The following GRM8 variants were observed in gnomAD, a reference collection of about 807,000 sequenced individuals.
GRM8 encodes glutamate metabotropic receptor 8, also known as metabotropic glutamate receptor 8.
A neutral mutation model predicts 87.2 loss-of-function variants in GRM8; 47 were observed. The observed-to-expected ratio is 0.54, with a 90% CI of 0.43 to 0.69. The LOEUF (loss-of-function observed/expected upper bound fraction) is 0.69. Among genes scored for constraint, GRM8 ranks in the 30% least tolerant of loss-of-function variants. The probability of loss-of-function intolerance (pLI) is 0.00; values close to 1 mark genes in which losing one functional copy is unlikely to be tolerated. For missense variants in GRM8, 1,019 were observed against 1,139.2 expected (o/e 0.89, Z 1.52); for synonymous variants, 396 against 404.5 (o/e 0.98, Z 0.25).
At chr7:126,508,272 C>T (rs1366840749) in intron 9 of GRM8, among the ~76,000 whole-genome samples, 3 of 148,926 alleles carry the variant, frequency 2.0e-5, no homozygotes, top group Non-Finnish European at 4.5e-5. Context: ...CACACACACG[C>T]AAACACACAT....
At chr7:127,015,988 C>A (rs774744492) in intron 3 of GRM8, among the ~76,000 whole-genome samples, 2 of 152,006 alleles carry the variant, frequency 1.3e-5, no homozygotes, top group Admixed American at 6.6e-5. Flanking sequence ...TTAAAAATTC[C>A]TTGAATATCT....
intron 7 of GRM8, among the ~76,000 whole-genome samples, chr7:126,704,528 C>T (rs984465983): frequency 1.3e-5 from 2 of 152,138 alleles, no homozygotes; most frequent in South Asian, 2.1e-4. Context: ...ACCAGTGAGC[C>T]GGGCGGAACA....
intron 6 of GRM8, among the ~76,000 whole-genome samples, chr7:126,786,627 T>C (rs1296843715): frequency 6.6e-6 from 1 of 152,210 alleles, no homozygotes; most frequent in Non-Finnish European, 1.5e-5. Context: ...ATTTATGTCC[T>C]ACCTGTACAG....
intron 3 of GRM8, among the ~76,000 whole-genome samples, chr7:127,102,174 T>C (rs1202335438): frequency 2.0e-5 from 3 of 152,180 alleles, no homozygotes; most frequent in Non-Finnish European, 4.4e-5. Flanking sequence ...ATAACCTATA[T>C]CAGATGTGGG....
At chr7:126,930,197 C>G (rs1420702825) in intron 3 of GRM8, among the ~76,000 whole-genome samples, 1 of 152,102 alleles carries the variant, frequency 6.6e-6, no homozygotes, top group African/African-American at 2.4e-5. Flanking sequence ...TGCTCAAAAC[C>G]CAGTTCCTAT....
chr7:126,605,979 C>T (rs562553764), intron 8 of GRM8, among the ~76,000 whole-genome samples: 1 of 152,318 alleles, frequency 6.6e-6, no homozygotes, highest in South Asian at 2.1e-4. Context: ...TCACTATAGT[C>T]TCAACACCTT....
At chr7:127,173,724 A>G (rs998937214) in intron 2 of GRM8, among the ~76,000 whole-genome samples, 7 of 152,142 alleles carry the variant, frequency 4.6e-5, no homozygotes, top group Non-Finnish European at 1.0e-4. Context: ...GTCCCCATTC[A>G]TCACCAAGAT....
chr7:126,608,064 G>A (rs1798540257), intron 8 of GRM8, among the ~76,000 whole-genome samples: 1 of 151,870 alleles, frequency 6.6e-6, no homozygotes, highest in Non-Finnish European at 1.5e-5. Context: ...GCACTAATAT[G>A]GGGCAAAGGG....
intron 3 of GRM8, among the ~76,000 whole-genome samples, chr7:126,959,463 G>A (rs1809079400): frequency 1.3e-5 from 2 of 152,140 alleles, no homozygotes; most frequent in African/African-American, 4.8e-5. Context: ...TAATAACACT[G>A]TACAGGGTTT....
In GRM8 at chr7:127,015,066, A is replaced by AGAG. The variant is rs1554568503; in HGVS notation, c.727+91429_727+91430insCTC. Among the ~76,000 whole-genome samples, 157 of 104,508 alleles carry AGAG rather than the reference A, an allele frequency of 1.5e-3. 2 individuals are homozygous for AGAG. Among genetic ancestry groups the AGAG allele is most frequent in the Middle Eastern group, 5.1e-3 (1 of 196 alleles). The allele number at this position is 104,508 out of a possible 152,430, so 68.6% of individuals were successfully genotyped here. A position where few individuals can be genotyped will look rare whatever the true frequency, so the allele number is the denominator to read the frequency against. On this transcript the variant is annotated intron_variant, in intron 3 of 10. Coordinates refer to ENST00000339582, the MANE Select transcript of GRM8 (RefSeq NM_000845.3). Reference sequence around the variant, plus strand: ...AAGAAGAAGAAGAAGAAGAAGAAGAAGAAAGAAAGAAGGAGAAGAAGGAGA... The same window carrying AGAG: ...AAGAAGAAGAAGAAGAAGAAGAAGAAGAGGAAAGAAAGAAGGAGAAGAAGGAGA...
chr7:126,996,004 G>T (rs1156877222), intron 3 of GRM8, among the ~76,000 whole-genome samples: 1 of 152,080 alleles, frequency 6.6e-6, no homozygotes, highest in Non-Finnish European at 1.5e-5. Context: ...TCTGTAAGCA[G>T]ACTTTTCAGT....
chr7:126,459,708 C>CATA (rs1803675179), intron 9 of GRM8, among the ~76,000 whole-genome samples: 2 of 151,440 alleles, frequency 1.3e-5, no homozygotes. Flanking sequence ...CACCCCTTAT[C>CATA]CCTGGGCTAT....
chr7:127,162,887 C>A (rs17862308), intron 2 of GRM8, among the ~76,000 whole-genome samples: 2 of 152,050 alleles, frequency 1.3e-5, no homozygotes, highest in Admixed American at 1.3e-4. Context: ...AATAAGAATG[C>A]CTTTAGAAGG....
chr7:126,871,312 C>T (rs781686200), intron 6 of GRM8, among the ~76,000 whole-genome samples: 1 of 152,028 alleles, frequency 6.6e-6, no homozygotes, highest in Non-Finnish European at 1.5e-5. Flanking sequence ...GCATTTTATT[C>T]CTAATAAGTG....
chr7:126,567,324 C>T (rs1006970440), intron 8 of GRM8, among the ~76,000 whole-genome samples: 5 of 150,746 alleles, frequency 3.3e-5, no homozygotes, highest in South Asian at 2.1e-4. Context: ...AACCAAACAC[C>T]GCATTTTCTC....
intron 3 of GRM8, among the ~76,000 whole-genome samples, chr7:126,955,068 G>T (rs570159748): frequency 3.9e-5 from 6 of 152,002 alleles, no homozygotes; most frequent in Non-Finnish European, 7.4e-5. Context: ...TTTCAATTCA[G>T]AATAAAAGGC....
rs1200201423 is a variant in GRM8 at position 126,820,691 on chromosome 7, T to G, written c.1157-50626A>C. 3.9e-5 allele frequency among the ~76,000 whole-genome samples: 6 copies of G among 151,918 alleles called. No individual in the cohort carries two copies. In the South Asian group the frequency reaches 1.2e-3, roughly 31 times the overall value. On this transcript the variant is annotated intron_variant, in intron 6 of 10. Transcript: ENST00000339582. Reference sequence around the variant, plus strand: ...CTCTACATGTTCTTTACCAGTTCTTTCTCTCTCTCTCTGTTTCTCCACACT... The same window carrying G: ...CTCTACATGTTCTTTACCAGTTCTTGCTCTCTCTCTCTGTTTCTCCACACT...
chr7:126,622,778 C>T (rs1800306885), intron 7 of GRM8, among the ~76,000 whole-genome samples: 1 of 152,166 alleles, frequency 6.6e-6, no homozygotes. Flanking sequence ...TCAGCTACTG[C>T]TTCATTTTTC....
At chr7:126,744,965 GATTT>G (rs1395311675) in intron 7 of GRM8, among the ~76,000 whole-genome samples, 1 of 120,218 alleles carries the variant, frequency 8.3e-6, no homozygotes, top group Non-Finnish European at 1.9e-5. Context: ...ACATGTAATT[GATTT>G]ATTATTATTT....
Sources: gnomAD v4.1 joint callset for allele counts (sites outside exome capture counted in the v4.1 genomes callset) on GRCh38, gnomAD v4.1.1 for gene constraint, MANE v1.5 for transcripts, NCBI Gene and HGNC (gene_info 2026-07-23, HGNC 2026-07-21) for gene names.